The following PVT1 variants were observed in gnomAD, a reference collection of about 807,000 sequenced individuals.
PVT1 encodes the protein CXCR4/PVT1 fusion.
At chr8:127,984,930 T>C (rs1816941795) in intron 3 of PVT1, among the ~76,000 whole-genome samples, 1 of 139,874 alleles carries the variant, frequency 7.1e-6, no homozygotes. Flanking sequence ...TCTCTTTCTC[T>C]TTCTTTCTTT....
At chr8:127,944,425 C>A (rs572211334) in intron 3 of PVT1, among the ~76,000 whole-genome samples, 1 of 152,304 alleles carries the variant, frequency 6.6e-6, no homozygotes. Context: ...GCCCAGCTTT[C>A]ATACTTTCAG....
intron 3 of PVT1, chr8:127,947,971 A>G (rs1816445817): frequency 4.4e-6 from 2 of 453,844 alleles, no homozygotes; most frequent in South Asian, 1.6e-5. Context: ...GCCTGTGCAC[A>G]GGGGTCAAAG....
chr8:127,979,609 G>A (rs1563655825), intron 3 of PVT1, among the ~76,000 whole-genome samples: 1 of 152,322 alleles, frequency 6.6e-6, no homozygotes, highest in Non-Finnish European at 1.5e-5. Context: ...AAGTGGAGCT[G>A]TAACAATGTC....
At chr8:127,798,812 T>G (rs10093038) in intron 2 of PVT1, among the ~76,000 whole-genome samples, 46,430 of 151,480 alleles carry the variant, frequency 0.31, 8,396 homozygotes, top group African/African-American at 0.51. Context: ...GGAGACGGAG[T>G]TTGCAGTGAG....
chr8:127,883,203 C>T (rs1815489175), intron 2 of PVT1, among the ~76,000 whole-genome samples: 1 of 152,088 alleles, frequency 6.6e-6, no homozygotes, highest in Admixed American at 6.6e-5. Context: ...CCCCTCAAAG[C>T]TTTAGGACCA....
intron 3 of PVT1, chr8:127,947,513 C>G (rs1017454522): frequency 1.1e-5 from 4 of 358,884 alleles, no homozygotes; most frequent in South Asian, 8.6e-5. Context: ...GCACACTGAG[C>G]CTGTAGGGAT....
At chr8:127,834,316 G>A (rs1476753187) in intron 2 of PVT1, among the ~76,000 whole-genome samples, 1 of 152,066 alleles carries the variant, frequency 6.6e-6, no homozygotes, top group Non-Finnish European at 1.5e-5. Context: ...AACAAGCAAT[G>A]GGGAAAGAAT....
At chr8:127,915,217 C>T (rs1042330170) in intron 3 of PVT1, among the ~76,000 whole-genome samples, 31 of 152,242 alleles carry the variant, frequency 2.0e-4, no homozygotes, top group African/African-American at 7.0e-4. Flanking sequence ...ACTAGACAAA[C>T]GTCACTGATT....
At chr8:127,899,668 C>T (rs1815734273) in intron 3 of PVT1, among the ~76,000 whole-genome samples, 1 of 152,130 alleles carries the variant, frequency 6.6e-6, no homozygotes, top group East Asian at 1.9e-4. Flanking sequence ...GGGAGGGAGC[C>T]TGGAGCTGGT....
rs190053197 is a variant in PVT1 at position 128,002,508 on chromosome 8, A to G, written n.912+13217A>G. On this transcript the variant is annotated intron_variant and non_coding_transcript_variant, in intron 4 of 10. Transcript: ENST00000651587. ...GTGGAAGCCAGAAGTCTGAAATCAA[A>G]GAGTTGTGAGGGCTGTGTTCTCCCT... 4.6e-5 allele frequency among the ~76,000 whole-genome samples: 7 copies of G among 152,354 alleles called. No individual in the cohort carries two copies. In the East Asian group the frequency reaches 1.3e-3, roughly 29 times the overall value.
intron 4 of PVT1, among the ~76,000 whole-genome samples, chr8:128,046,801 T>G (rs1179626706): frequency 6.6e-6 from 1 of 152,248 alleles, no homozygotes; most frequent in African/African-American, 2.4e-5. Flanking sequence ...CTTCTCTAAC[T>G]TGTCCAGGAA....
At chr8:127,987,794 A>T (rs565244809) in intron 3 of PVT1, among the ~76,000 whole-genome samples, 1 of 152,372 alleles carries the variant, frequency 6.6e-6, no homozygotes, top group African/African-American at 2.4e-5. Context: ...AAGCAAATTC[A>T]TTTTGACAAT....
intron 2 of PVT1, among the ~76,000 whole-genome samples, chr8:127,823,173 C>T (rs1363300553): frequency 6.6e-6 from 1 of 152,140 alleles, no homozygotes; most frequent in African/African-American, 2.4e-5. Context: ...ATGAGAAAAG[C>T]GCTTGGAATG....
intron 2 of PVT1, among the ~76,000 whole-genome samples, chr8:127,812,853 G>A (rs1008194664): frequency 3.3e-5 from 5 of 152,092 alleles, no homozygotes; most frequent in African/African-American, 1.2e-4. Context: ...AATTATAGAA[G>A]CTTAATATGC....
chr8:127,914,572 G>A (rs770485900), intron 3 of PVT1, among the ~76,000 whole-genome samples: 3 of 152,110 alleles, frequency 2.0e-5, no homozygotes, highest in East Asian at 1.9e-4. Flanking sequence ...ATGTCTGTCC[G>A]CGGAAGAATA....
chr8:128,078,160 G>A (rs1292379754), intron 5 of PVT1, among the ~76,000 whole-genome samples: 1 of 152,194 alleles, frequency 6.6e-6, no homozygotes, highest in East Asian at 1.9e-4. Flanking sequence ...GGAAGATGTA[G>A]GGTTCTGAGG....
chr8:127,882,214 G>C (rs1196474813), intron 2 of PVT1, among the ~76,000 whole-genome samples: 1 of 152,116 alleles, frequency 6.6e-6, no homozygotes, highest in Non-Finnish European at 1.5e-5. Context: ...GGCACTCGAA[G>C]GCTTGGGAAT....
At chr8:127,954,594 A>G (rs1816547107) in intron 3 of PVT1, among the ~76,000 whole-genome samples, 1 of 152,188 alleles carries the variant, frequency 6.6e-6, no homozygotes. Flanking sequence ...CGCCAGGCCA[A>G]CAAGTACTCA....
intron 5 of PVT1, among the ~76,000 whole-genome samples, chr8:128,074,518 C>G: frequency 1.0e-5 from 1 of 98,230 alleles, no homozygotes; most frequent in African/African-American, 5.2e-5. Context: ...GTGAGACTGT[C>G]TAAAAAAAAA....
Sources: gnomAD v4.1 joint callset for allele counts (sites outside exome capture counted in the v4.1 genomes callset) on GRCh38, gnomAD v4.1.1 for gene constraint, MANE v1.5 for transcripts, NCBI Gene and HGNC (gene_info 2026-07-23, HGNC 2026-07-21) for gene names.